Variants in KANK1 observed in about 807,000 individuals in gnomAD.
KANK1 encodes KN motif and ankyrin repeat domains 1.
Under a neutral mutation model 106.2 loss-of-function variants are expected in KANK1, and 109 were observed. The ratio of observed to expected loss-of-function variants is 1.03; its 90% CI spans 0.88 to 1.20. KANK1 has a LOEUF of 1.20. Ranked by LOEUF, KANK1 falls within the 50% of genes most tolerant of loss-of-function variation. The pLI, the probability that KANK1 is intolerant of heterozygous loss-of-function variation, is 0.00. For missense variants in KANK1, 2,399 were observed against 1,710.7 expected (o/e 1.40, Z -7.10); for synonymous variants, 873 against 652.2 (o/e 1.34, Z -5.16).
At chr9:594,592 G>T (rs907612498) in intron 1 of KANK1, among the ~76,000 whole-genome samples, 2 of 151,838 alleles carry the variant, frequency 1.3e-5, no homozygotes, top group Admixed American at 1.3e-4. Context: ...TAGTTAATAA[G>T]TGTGAGATTG....
intron 1 of KANK1, among the ~76,000 whole-genome samples, chr9:630,069 A>G (rs1321815269): frequency 6.6e-6 from 1 of 151,340 alleles, no homozygotes; most frequent in Admixed American, 6.6e-5. Context: ...CCAACATGGC[A>G]AAACGCTGTC....
chr9:502,636 C>G (rs146370170), upstream of KANK1, among the ~76,000 whole-genome samples: 3 of 151,874 alleles, frequency 2.0e-5, no homozygotes, highest in Admixed American at 6.6e-5. Flanking sequence ...GATTCTCCTG[C>G]CTCAGCCTCC....
intron 1 of KANK1, among the ~76,000 whole-genome samples, chr9:526,945 T>C (rs969683037): frequency 2.6e-5 from 4 of 151,878 alleles, no homozygotes; most frequent in African/African-American, 9.7e-5. Context: ...GATTTTTGTT[T>C]GATTAATATA....
chr9:564,455 C>T (rs1435083478), intron 1 of KANK1, among the ~76,000 whole-genome samples: 1 of 152,142 alleles, frequency 6.6e-6, no homozygotes, highest in African/African-American at 2.4e-5. Context: ...GTGTCCTCAA[C>T]GTAGACACCT....
chr9:568,383 A>G (rs969578836), intron 1 of KANK1, among the ~76,000 whole-genome samples: 5 of 152,198 alleles, frequency 3.3e-5, no homozygotes, highest in Non-Finnish European at 7.3e-5. Flanking sequence ...TTAACAAATT[A>G]TTAAGTTTCT....
intron 1 of KANK1, among the ~76,000 whole-genome samples, chr9:538,521 AAAACT>A (rs1203544558): frequency 2.0e-5 from 3 of 152,232 alleles, no homozygotes; most frequent in Non-Finnish European, 4.4e-5. Context: ...AGCAGTTTTT[AAAACT>A]AAATTGACAG....
Position 711,035 on chromosome 9 carries a change from A to G in KANK1, c.269A>G (p.Glu90Gly). The G allele has an allele frequency of 6.2e-7, 1 of 1,614,150 alleles. No individual in the cohort carries two copies. The highest frequency in any genetic ancestry group is 8.5e-7 in the Non-Finnish European group (1 of 1,180,016). ...CAGCAAGGTATATGGACTTCCACTG[A>G]ATCCCTCTCATCCTCCAACAGTGAT... ...SGQQGIWTST[E>G]SLSSSNSDDN... The change falls in exon 3 of 12, where the codon GAA becomes GGA. Residue 90 changes from glutamate (E) to glycine (G), a missense_variant. Coordinates refer to ENST00000382297, the MANE Select transcript of KANK1 (RefSeq NM_015158.5).
At chr9:652,602 A>G (rs1563929385) in intron 1 of KANK1, among the ~76,000 whole-genome samples, 1 of 152,224 alleles carries the variant, frequency 6.6e-6, no homozygotes, top group Non-Finnish European at 1.5e-5. Flanking sequence ...TGAGACAAAG[A>G]TGAAAGGGGA....
At chr9:584,051 C>T (rs947065920) in intron 1 of KANK1, among the ~76,000 whole-genome samples, 1 of 152,074 alleles carries the variant, frequency 6.6e-6, no homozygotes, top group Non-Finnish European at 1.5e-5. Context: ...TGACCTTGAC[C>T]TTATCCCAGG....
At chr9:611,176 C>T (rs1830461558) in intron 1 of KANK1, among the ~76,000 whole-genome samples, 1 of 152,142 alleles carries the variant, frequency 6.6e-6, no homozygotes. Context: ...ATGTCGCTGT[C>T]AGCCCCCTGA....
chr9:568,681 C>G (rs936137847), intron 1 of KANK1, among the ~76,000 whole-genome samples: 1 of 152,094 alleles, frequency 6.6e-6, no homozygotes, highest in African/African-American at 2.4e-5. Context: ...TTTGTAGAGA[C>G]AAAATCTCAA....
chr9:521,155 T>C (rs974653790), intron 1 of KANK1, among the ~76,000 whole-genome samples: 12 of 151,914 alleles, frequency 7.9e-5, no homozygotes, highest in African/African-American at 2.2e-4. Context: ...TGAAGCAAGA[T>C]GACAAAATAA....
At chr9:661,047 A>G (rs1287013762) in intron 1 of KANK1, among the ~76,000 whole-genome samples, 1 of 150,936 alleles carries the variant, frequency 6.6e-6, no homozygotes, top group African/African-American at 2.4e-5. Context: ...ACAGCTGTCC[A>G]ATTTCATGGA....
At chr9:612,273 G>GT in intron 1 of KANK1, among the ~76,000 whole-genome samples, 1 of 152,168 alleles carries the variant, frequency 6.6e-6, no homozygotes, top group Non-Finnish European at 1.5e-5. Context: ...TGCAATCTGT[G>GT]TTTTTTTAAT....
chr9:611,636 A>G (rs115943728), intron 1 of KANK1, among the ~76,000 whole-genome samples: 5 of 152,184 alleles, frequency 3.3e-5, no homozygotes, highest in South Asian at 2.1e-4. Flanking sequence ...CTGACTGTCA[A>G]ATGACAGTGT....
chr9:655,309 T>C (rs56349412), intron 1 of KANK1, among the ~76,000 whole-genome samples: 58,162 of 150,380 alleles, frequency 0.39, 13,976 homozygotes, highest in African/African-American at 0.65. Context: ...AGGCAGAGGT[T>C]GCGGTGAGTG....
At chr9:582,477 C>T (rs1217054746) in intron 1 of KANK1, among the ~76,000 whole-genome samples, 1 of 152,134 alleles carries the variant, frequency 6.6e-6, no homozygotes, top group East Asian at 1.9e-4. Flanking sequence ...AACTCATCTA[C>T]CAGCCTCACT....
intron 2 of KANK1, among the ~76,000 whole-genome samples, 155 bp from the exon 3 acceptor site, chr9:710,638 AACAAAAAAAAC>A (rs1825756595): frequency 9.1e-6 from 1 of 110,118 alleles, no homozygotes; most frequent in Admixed American, 8.8e-5. Flanking sequence ...AACAAAAAAA[AACAAAAAAAAC>A]TTGCTTACCC....
intron 1 of KANK1, among the ~76,000 whole-genome samples, chr9:641,903 C>G (rs945401183): frequency 6.6e-6 from 1 of 152,108 alleles, no homozygotes; most frequent in African/African-American, 2.4e-5. Context: ...AATCGTGTAA[C>G]CATTGGCATA....
Sources: gnomAD v4.1 joint callset for allele counts (sites outside exome capture counted in the v4.1 genomes callset) on GRCh38, gnomAD v4.1.1 for gene constraint, MANE v1.5 for transcripts, NCBI Gene and HGNC (gene_info 2026-07-23, HGNC 2026-07-21) for gene names.